SLC6A15: variants seen among roughly 807,000 people sequenced by gnomAD.
SLC6A15 encodes sodium-dependent neutral amino acid transporter B(0)AT2.
A neutral mutation model predicts 68.5 loss-of-function variants in SLC6A15; 33 were observed. The ratio of observed to expected loss-of-function variants is 0.48; its 90% CI spans 0.37 to 0.64. The LOEUF is 0.64. Among genes scored for constraint, SLC6A15 ranks in the 30% least tolerant of loss-of-function variants. SLC6A15 has a pLI of 0.00. For missense variants in SLC6A15, 747 were observed against 874.3 expected (o/e 0.85, Z 1.84); for synonymous variants, 347 against 301.0 (o/e 1.15, Z -1.58).
At chr12:84,866,292 G>A (rs989702001) in intron 10 of SLC6A15, among the ~76,000 whole-genome samples, 4 of 152,116 alleles carry the variant, frequency 2.6e-5, no homozygotes, top group African/African-American at 9.7e-5. Context: ...TCCCTTGAGA[G>A]AACTCTGGTG....
chr12:84,883,788 A>G lies in SLC6A15; in HGVS notation c.756+71T>C, dbSNP rs775995115. 7 of 1,613,846 alleles carry G rather than the reference A, an allele frequency of 4.3e-6. No homozygotes were observed. In the East Asian group the frequency reaches 1.3e-4, roughly 31 times the overall value. On this transcript the variant is annotated intron_variant, in intron 5 of 11. Transcript: ENST00000266682. Reference sequence around the variant, plus strand: ...TGTGATTTGCCCACAGAAATCTGTAACAGAATTTGAGAGAGGGATGAATCC... The same window carrying G: ...TGTGATTTGCCCACAGAAATCTGTAGCAGAATTTGAGAGAGGGATGAATCC...
rs149118754 is a variant in SLC6A15, at chr12:84,872,695, A to G, written c.1209T>C (p.Tyr403=). 989 of 1,612,848 alleles carry G rather than the reference A, an allele frequency of 6.1e-4. 6 individuals carry two copies. The African/African-American group carries it at 0.012, about 19-fold the overall frequency. Residue 403 remains tyrosine, a synonymous_variant, in exon 8 of 12, where the codon TAT becomes TAC. Transcript: ENST00000266682. ...TTTGAATGATGTCATAAACTAAATG[A>G]TAATCTTCTGCAGTAACAGTTGAAA... ...INLSTVTAED[Y]HLVYDIIQKV...
At chr12:84,880,311 G>A (rs1056178341) in intron 5 of SLC6A15, among the ~76,000 whole-genome samples, 6 of 152,102 alleles carry the variant, frequency 3.9e-5, no homozygotes, top group African/African-American at 1.4e-4. Flanking sequence ...CAAATTATTT[G>A]CATTCACTCA....
intron 1 of SLC6A15, chr12:84,912,034 A>C (rs1356360698): frequency 6.6e-6 from 1 of 152,152 alleles, no homozygotes; most frequent in Non-Finnish European, 1.5e-5. Context: ...TGAGGAATAA[A>C]GCTCTCTGCT....
At chr12:84,870,763 A>G in intron 8 of SLC6A15, 93 bp from the exon 9 acceptor site, 1 of 721,312 alleles carries the variant, frequency 1.4e-6, no homozygotes, top group Admixed American at 3.0e-5. Flanking sequence ...AGATCTCTGA[A>G]TAATGGCCAG....
At position 84,880,142 on chromosome 12, in the gene SLC6A15, A is replaced by C. The variant is rs114709144; in HGVS notation, c.757-3535T>G. The stretch of plus-strand genomic sequence containing the variant: ...ACAAGATGGAGAAAAATAAGTCAAT[A>C]TTTCAAACATTTAAGTGATATTAAG... On this transcript the variant is annotated intron_variant, in intron 5 of 11. Coordinates refer to ENST00000266682, the MANE Select transcript of SLC6A15 (RefSeq NM_182767.6). Among the ~76,000 whole-genome samples the C allele has an allele frequency of 7.4e-3, 1,121 of 152,310 alleles. 13 individuals carry two copies. The highest frequency in any genetic ancestry group is 0.026 in the African/African-American group (1,064 of 41,564).
At chr12:84,909,210 A>G (rs909942564) in intron 1 of SLC6A15, among the ~76,000 whole-genome samples, 4 of 152,154 alleles carry the variant, frequency 2.6e-5, no homozygotes, top group African/African-American at 7.2e-5. Context: ...ATCTTTGCCA[A>G]TCTGATAGGT....
intron 5 of SLC6A15, chr12:84,883,049 C>T (rs1230611195): frequency 1.0e-6 from 1 of 983,652 alleles, no homozygotes. Flanking sequence ...AGGAAAATAG[C>T]ACAGCTGGAC....
chr12:84,900,243 T>C (rs868388072), intron 1 of SLC6A15, among the ~76,000 whole-genome samples: 8 of 152,024 alleles, frequency 5.3e-5, no homozygotes, highest in South Asian at 2.1e-4. Context: ...TGGGGTATGA[T>C]TGCAAATTCT....
rs1483615520 is a variant in SLC6A15 at position 84,860,019 on chromosome 12, T to A, written c.*1613A>T. The A allele has an allele frequency of 6.6e-6, 1 of 152,062 alleles. No homozygotes were observed. Among genetic ancestry groups the A allele is most frequent in the Non-Finnish European group, 1.5e-5 (1 of 67,930 alleles). 9.4% of individuals were successfully genotyped at this position (152,062 alleles called of 1,614,324 possible). A position where few individuals can be genotyped will look rare whatever the true frequency, so the allele number is the denominator to read the frequency against. On this transcript the variant is annotated 3_prime_UTR_variant, in exon 12 of 12. Transcript: ENST00000266682. ...TGTATAATGTGCATATACTGCCTAT[T>A]TATAAAATATTAAACATTTTAAAGG...
intron 5 of SLC6A15, among the ~76,000 whole-genome samples, chr12:84,879,826 T>C (rs1871739379): frequency 1.3e-5 from 2 of 152,210 alleles, no homozygotes. Context: ...GACTGTGGCC[T>C]ATTACTCTTT....
chr12:84,899,959 C>A (rs1204095532), intron 1 of SLC6A15, among the ~76,000 whole-genome samples: 1 of 151,992 alleles, frequency 6.6e-6, no homozygotes, highest in African/African-American at 2.4e-5. Context: ...TTCACCTATT[C>A]TAGGTTCTTT....
At position 84,912,653 on chromosome 12, in the gene SLC6A15, T is replaced by C. The variant is rs568524074; in HGVS notation, c.-319A>G. The stretch of plus-strand genomic sequence containing the variant: ...AGGAGCTGTTGGCAGAGAAGCAGCT[T>C]CTTGCCTAGGTTGGGACCCGGAGCT... On this transcript the variant is annotated 5_prime_UTR_variant, in exon 1 of 12. Coordinates refer to ENST00000266682, the MANE Select transcript of SLC6A15 (RefSeq NM_182767.6). 6.6e-6 allele frequency: 1 copy of C among 152,562 alleles called. No individual in the cohort carries two copies. The highest frequency in any genetic ancestry group is 1.5e-5 in the Non-Finnish European group (1 of 68,392). The allele number at this position is 152,562 out of a possible 1,614,324, so 9.5% of individuals were successfully genotyped here.
At chr12:84,878,263 G>A (rs1293250455) in intron 5 of SLC6A15, among the ~76,000 whole-genome samples, 1 of 151,892 alleles carries the variant, frequency 6.6e-6, no homozygotes, top group East Asian at 1.9e-4. Flanking sequence ...ATTTCAAATT[G>A]GTTTAATCCT....
At chr12:84,902,366 G>C (rs569511011) in intron 1 of SLC6A15, among the ~76,000 whole-genome samples, 1 of 152,064 alleles carries the variant, frequency 6.6e-6, no homozygotes, top group South Asian at 2.1e-4. Flanking sequence ...CCAAATATTG[G>C]TGAGGACATG....
rs145955933 is a variant in SLC6A15 at position 84,910,662 on chromosome 12, T to C, written c.-189+1861A>G. Among the ~76,000 whole-genome samples the C allele has an allele frequency of 3.9e-5, 6 of 152,188 alleles. No individual in the cohort carries two copies. In the East Asian group the frequency reaches 7.7e-4, roughly 20 times the overall value. On this transcript the variant is annotated intron_variant, in intron 1 of 11. Transcript: ENST00000266682. ...CCTAACTAAAGAGACATCCCTATCA[T>C]ATCTTGCTGGACAAAGGTCCAAGGA... is the stretch of plus-strand genomic sequence containing the variant.
chr12:84,904,224 G>A (rs75042198), intron 1 of SLC6A15, among the ~76,000 whole-genome samples: 3 of 121,994 alleles, frequency 2.5e-5, no homozygotes, highest in African/African-American at 3.6e-5. Flanking sequence ...GGGCGGAGGG[G>A]GAGAGAGAGA....
Position 84,873,204 on chromosome 12 carries a change from T to C in SLC6A15, c.992A>G (p.His331Arg). The C allele has an allele frequency of 9.9e-6, 16 of 1,614,096 alleles. No homozygotes were observed. The highest frequency in any genetic ancestry group is 1.3e-5 in the Non-Finnish European group (15 of 1,179,976). ...GAAGGACACCAGGACAGCATCAAAG[T>C]GGCAGTTGTTGTCTCTCTTGTTGTA... ...SSYNKRDNNC[H>R]FDAVLVSFIN... Residue 331 changes from histidine to arginine, a missense_variant, in exon 7 of 12, where the codon CAC (histidine) becomes CGC (arginine). By Grantham distance (29) the His-to-Arg change is conservative (BLOSUM62 0). Coordinates refer to ENST00000266682, the MANE Select transcript of SLC6A15 (RefSeq NM_182767.6).
chr12:84,899,543 T>C (rs1872764243), intron 1 of SLC6A15, among the ~76,000 whole-genome samples: 1 of 152,176 alleles, frequency 6.6e-6, no homozygotes, highest in Admixed American at 6.6e-5. Flanking sequence ...TTCCATTTCA[T>C]TGCCAAGCAT....
Sources: gnomAD v4.1 joint callset for allele counts (sites outside exome capture counted in the v4.1 genomes callset) on GRCh38, gnomAD v4.1.1 for gene constraint, MANE v1.5 for transcripts, NCBI Gene and HGNC (gene_info 2026-07-23, HGNC 2026-07-21) for gene names.